Variants in CNTNAP2 observed in about 807,000 individuals in gnomAD.
The protein encoded by CNTNAP2 is contactin-associated protein-like 2.
CNTNAP2 carries 98 observed loss-of-function variants against 155.2 expected under a neutral mutation model. The ratio of observed to expected loss-of-function variants is 0.63; its 90% CI spans 0.54 to 0.75. The LOEUF (loss-of-function observed/expected upper bound fraction) is 0.75, where lower values mean the gene tolerates loss of function less well. Among genes scored for constraint, CNTNAP2 ranks in the 30% least tolerant of loss-of-function variants. The probability of loss-of-function intolerance (pLI) is 0.00; values close to 1 mark genes in which losing one functional copy is unlikely to be tolerated. For synonymous variants in CNTNAP2, 651 were observed against 631.2 expected (o/e 1.03, Z -0.47); for missense variants, 1,727 against 1,688.1 (o/e 1.02, Z -0.40).
At chr7:146,636,111 G>A (rs1180654737) in intron 1 of CNTNAP2, among the ~76,000 whole-genome samples, 1 of 151,622 alleles carries the variant, frequency 6.6e-6, no homozygotes, top group Non-Finnish European at 1.5e-5. Flanking sequence ...CTACAGAGAC[G>A]GAAAACAGAT....
chr7:146,982,242 A>G (rs141312578), intron 3 of CNTNAP2, among the ~76,000 whole-genome samples: 1 of 152,296 alleles, frequency 6.6e-6, no homozygotes, highest in African/African-American at 2.4e-5. Flanking sequence ...GTAAATTATA[A>G]CACATTAATT....
intron 3 of CNTNAP2, among the ~76,000 whole-genome samples, chr7:146,885,729 A>T (rs180917911): frequency 0.013 from 2,034 of 152,242 alleles, 34 homozygotes; most frequent in African/African-American, 0.044. Flanking sequence ...AAGTGATTCT[A>T]TTTGTCATGT....
intron 18 of CNTNAP2, among the ~76,000 whole-genome samples, chr7:148,174,812 A>T (rs1374837009): frequency 6.6e-6 from 1 of 152,102 alleles, no homozygotes; most frequent in East Asian, 1.9e-4. Context: ...ACATAAGCAT[A>T]CGTGTGCCAT....
chr7:147,592,884 A>C (rs1800765577), intron 12 of CNTNAP2, among the ~76,000 whole-genome samples: 1 of 152,184 alleles, frequency 6.6e-6, no homozygotes, highest in Non-Finnish European at 1.5e-5. Context: ...ATTGCTCTAG[A>C]GAAACTCTTC....
At chr7:146,207,647 T>G (rs975208441) in intron 1 of CNTNAP2, among the ~76,000 whole-genome samples, 19 of 151,022 alleles carry the variant, frequency 1.3e-4, no homozygotes, top group African/African-American at 2.9e-4. Context: ...GTTTTTTTTT[T>G]TTTTTTTTTT....
chr7:146,961,164 G>A (rs1375562597), intron 3 of CNTNAP2, among the ~76,000 whole-genome samples: 1 of 152,110 alleles, frequency 6.6e-6, no homozygotes, highest in Non-Finnish European at 1.5e-5. Flanking sequence ...AAAGTGACCC[G>A]TGAACCCATT....
chr7:146,429,789 A>G (rs1489394959), intron 1 of CNTNAP2, among the ~76,000 whole-genome samples: 2 of 152,086 alleles, frequency 1.3e-5, no homozygotes, highest in African/African-American at 4.8e-5. Context: ...GAGAGAGGGC[A>G]TCCTTGTTCT....
At chr7:147,548,802 C>T (rs1010489508) in intron 11 of CNTNAP2, among the ~76,000 whole-genome samples, 1 of 152,058 alleles carries the variant, frequency 6.6e-6, no homozygotes, top group East Asian at 1.9e-4. Context: ...AGGAAGGGGT[C>T]CAGTTTCAGT....
chr7:146,469,018 A>C (rs1796755910), intron 1 of CNTNAP2, among the ~76,000 whole-genome samples: 1 of 152,226 alleles, frequency 6.6e-6, no homozygotes, highest in Non-Finnish European at 1.5e-5. Flanking sequence ...AAATGATCAG[A>C]TTCTAAAGGC....
rs1189887715 is a variant in CNTNAP2 at position 147,801,324 on chromosome 7, TTAA to T, written c.2099-102239_2099-102237del. Among the ~76,000 whole-genome samples the T allele has an allele frequency of 3.3e-5, 5 of 150,664 alleles. No homozygotes were observed. The East Asian group carries it at 7.8e-4, about 23-fold the overall frequency. On this transcript the variant is annotated intron_variant, in intron 13 of 23. Coordinates refer to ENST00000361727, the MANE Select transcript of CNTNAP2 (RefSeq NM_014141.6). ...CTTCTATGAAGTTTTTTTTTTTTTT[TTAA>T]TTTTTTTTTTTTTTTATTGATCATT...
intron 1 of CNTNAP2, among the ~76,000 whole-genome samples, chr7:146,126,293 T>A (rs1195372421): frequency 6.6e-6 from 1 of 152,262 alleles, no homozygotes; most frequent in East Asian, 1.9e-4. Flanking sequence ...ATAATGTTTC[T>A]ATCTTTTTGT....
At chr7:147,326,430 T>C (rs2116831786) in intron 9 of CNTNAP2, among the ~76,000 whole-genome samples, 1 of 152,370 alleles carries the variant, frequency 6.6e-6, no homozygotes, top group Middle Eastern at 3.4e-3. Context: ...ATCTTGTTTA[T>C]TCATTCATGC....
chr7:146,554,869 G>T (rs1279881002), intron 1 of CNTNAP2, among the ~76,000 whole-genome samples: 1 of 152,220 alleles, frequency 6.6e-6, no homozygotes, highest in African/African-American at 2.4e-5. Flanking sequence ...TGGGGAAATT[G>T]CACATATATA....
intron 1 of CNTNAP2, among the ~76,000 whole-genome samples, chr7:146,456,484 TGGG>T (rs1796557056): frequency 6.6e-6 from 1 of 152,134 alleles, no homozygotes; most frequent in Non-Finnish European, 1.5e-5. Flanking sequence ...TTCCTCTGCT[TGGG>T]CTTTATATAA....
intron 1 of CNTNAP2, among the ~76,000 whole-genome samples, chr7:146,717,337 T>C (rs1281597200): frequency 7.3e-6 from 1 of 137,610 alleles, no homozygotes; most frequent in Non-Finnish European, 1.5e-5. Context: ...ACTCTGTCTC[T>C]ACTAAAAAAT....
At chr7:147,996,716 T>A (rs1801809739) in intron 15 of CNTNAP2, among the ~76,000 whole-genome samples, 1 of 152,198 alleles carries the variant, frequency 6.6e-6, no homozygotes, top group Non-Finnish European at 1.5e-5. Flanking sequence ...TTTGTAATAC[T>A]AGATGAATTA....
intron 22 of CNTNAP2, among the ~76,000 whole-genome samples, chr7:148,397,488 TCTTA>T (rs1252053703): frequency 6.6e-6 from 1 of 152,240 alleles, no homozygotes; most frequent in Non-Finnish European, 1.5e-5. Context: ...TTCTGAACTG[TCTTA>T]CTATTTTCTA....
intron 1 of CNTNAP2, among the ~76,000 whole-genome samples, chr7:146,225,307 A>T (rs115502666): frequency 0.014 from 2,116 of 152,350 alleles, 55 homozygotes; most frequent in African/African-American, 0.048. Context: ...TCATTCACAA[A>T]GTACATAGAG....
intron 1 of CNTNAP2, among the ~76,000 whole-genome samples, chr7:146,451,853 T>TATATATATATA (rs1306006293): frequency 7.5e-6 from 1 of 132,990 alleles, no homozygotes; most frequent in African/African-American, 3.0e-5. Flanking sequence ...TATACACGTA[T>TATATATATATA]TCTATATATA....
Sources: gnomAD v4.1 joint callset for allele counts (sites outside exome capture counted in the v4.1 genomes callset) on GRCh38, gnomAD v4.1.1 for gene constraint, MANE v1.5 for transcripts, NCBI Gene and HGNC (gene_info 2026-07-23, HGNC 2026-07-21) for gene names.